RIMS2: variants seen among roughly 807,000 people sequenced by gnomAD.
The protein encoded by RIMS2 is regulating synaptic membrane exocytosis 2, also known as regulating synaptic membrane exocytosis protein 2.
Under a neutral mutation model 174.4 loss-of-function variants are expected in RIMS2, and 59 were observed. The ratio of observed to expected loss-of-function variants is 0.34; its 90% CI spans 0.27 to 0.42. The LOEUF (loss-of-function observed/expected upper bound fraction) is 0.42. RIMS2 is among the 10% of genes least tolerant of loss of function. The probability of loss-of-function intolerance (pLI) is 1.00; values close to 1 mark genes in which losing one functional copy is unlikely to be tolerated. For missense variants in RIMS2, 1,620 were observed against 1,666.3 expected, an observed-to-expected ratio of 0.97 and a Z score of 0.48; for synonymous variants, 606 against 572.5, an observed-to-expected ratio of 1.06 and a Z score of -0.84.
chr8:103,526,216 G>A (rs1016741162), intron 1 of RIMS2, among the ~76,000 whole-genome samples: 4 of 152,166 alleles, frequency 2.6e-5, no homozygotes, highest in South Asian at 4.1e-4. Context: ...GTAAGGATGA[G>A]CTGCGAATTG....
chr8:103,535,106 T>G (rs557898253), intron 1 of RIMS2, among the ~76,000 whole-genome samples: 2 of 152,348 alleles, frequency 1.3e-5, no homozygotes, highest in Admixed American at 6.5e-5. Context: ...GACTTTAGAA[T>G]GTACTTATAT....
chr8:104,188,570 A>T, intron 19 of RIMS2, among the ~76,000 whole-genome samples: 1 of 151,838 alleles, frequency 6.6e-6, no homozygotes, highest in South Asian at 2.1e-4. Context: ...CCAATATAAG[A>T]GGTATTCAAT....
At chr8:103,610,578 A>G (rs1031644264) in intron 1 of RIMS2, among the ~76,000 whole-genome samples, 2 of 152,134 alleles carry the variant, frequency 1.3e-5, no homozygotes, top group African/African-American at 4.8e-5. Flanking sequence ...TCCTGCCTCT[A>G]TTGCGATAAT....
At chr8:103,708,107 C>G (rs1564363509) in intron 2 of RIMS2, among the ~76,000 whole-genome samples, 1 of 152,192 alleles carries the variant, frequency 6.6e-6, no homozygotes, top group Non-Finnish European at 1.5e-5. Flanking sequence ...CTGGGTTGCA[C>G]TTGGAGTAAA....
At chr8:103,549,602 T>G (rs1375220843) in intron 1 of RIMS2, among the ~76,000 whole-genome samples, 1 of 152,096 alleles carries the variant, frequency 6.6e-6, no homozygotes, top group Admixed American at 6.6e-5. Context: ...AATGACAGGA[T>G]CAAATTCACA....
At position 104,089,879 on chromosome 8, in the gene RIMS2, T is replaced by G. The variant is rs2097607305; in HGVS notation, c.3334+75264T>G. The stretch of plus-strand genomic sequence containing the variant: ...ATATTTTTCTCAAAAATTCTTAAAA[T>G]GGAGTGTATTCTTATCTCCCTAGTA... On this transcript the variant is annotated intron_variant, in intron 19 of 23. Transcript: ENST00000504942. 2.0e-5 allele frequency among the ~76,000 whole-genome samples: 3 copies of G among 151,734 alleles called. No individual in the cohort carries two copies. The South Asian group carries it at 6.2e-4, about 31-fold the overall frequency.
chr8:104,200,818 G>A (rs1235607182), intron 19 of RIMS2, among the ~76,000 whole-genome samples: 4 of 152,146 alleles, frequency 2.6e-5, no homozygotes, highest in South Asian at 2.1e-4. Context: ...AGTGGCTGAG[G>A]CGGGAAGATC....
chr8:103,762,406 C>T (rs2098121969), intron 2 of RIMS2, among the ~76,000 whole-genome samples: 1 of 151,998 alleles, frequency 6.6e-6, no homozygotes, highest in African/African-American at 2.4e-5. Context: ...GATGGCATTC[C>T]TTATGTGGTT....
At chr8:103,750,015 T>G (rs1271768903) in intron 2 of RIMS2, among the ~76,000 whole-genome samples, 1 of 152,096 alleles carries the variant, frequency 6.6e-6, no homozygotes, top group Non-Finnish European at 1.5e-5. Flanking sequence ...AATTTTTTTT[T>G]AAGACAGCTG....
intron 19 of RIMS2, among the ~76,000 whole-genome samples, chr8:104,137,299 C>T (rs1439835051): frequency 2.0e-5 from 3 of 152,122 alleles, no homozygotes; most frequent in African/African-American, 7.2e-5. Flanking sequence ...TAATTAGAGT[C>T]AACGTATCTT....
chr8:103,711,912 A>ATC (rs1461359286), intron 2 of RIMS2, among the ~76,000 whole-genome samples: 3 of 151,614 alleles, frequency 2.0e-5, no homozygotes, highest in Non-Finnish European at 2.9e-5. Flanking sequence ...ATATATATAT[A>ATC]TATCACACTT....
intron 2 of RIMS2, among the ~76,000 whole-genome samples, chr8:103,745,973 T>C (rs144362422): frequency 5.3e-5 from 8 of 152,308 alleles, no homozygotes; most frequent in African/African-American, 1.7e-4. Flanking sequence ...TTTATCTATT[T>C]TTTGTTTGGT....
At chr8:103,767,720 A>G (rs572410282) in intron 3 of RIMS2, among the ~76,000 whole-genome samples, 10 of 152,312 alleles carry the variant, frequency 6.6e-5, no homozygotes, top group Non-Finnish European at 1.3e-4. Context: ...CACCACTCCA[A>G]TACATTGCTG....
intron 1 of RIMS2, among the ~76,000 whole-genome samples, chr8:103,659,258 G>A (rs1164863103): frequency 1.3e-5 from 2 of 152,116 alleles, no homozygotes; most frequent in South Asian, 2.1e-4. Flanking sequence ...GCACTACCAC[G>A]GGCTGCGGGC....
At chr8:103,569,615 GA>G (rs1563817515) in intron 1 of RIMS2, among the ~76,000 whole-genome samples, 2 of 150,572 alleles carry the variant, frequency 1.3e-5, no homozygotes, top group South Asian at 2.1e-4. Context: ...TTTTCTTTTT[GA>G]TTTTTTTTTT....
chr8:104,099,990 T>A (rs888417288), intron 19 of RIMS2, among the ~76,000 whole-genome samples: 11 of 151,858 alleles, frequency 7.2e-5, no homozygotes, highest in African/African-American at 9.7e-5. Flanking sequence ...GCTAATTTTT[T>A]AAAAATTTTT....
At chr8:104,113,601 G>A (rs967556746) in intron 19 of RIMS2, among the ~76,000 whole-genome samples, 5 of 151,758 alleles carry the variant, frequency 3.3e-5, no homozygotes, top group South Asian at 2.1e-4. Context: ...ATTGCATCAG[G>A]GACTATCATT....
intron 3 of RIMS2, among the ~76,000 whole-genome samples, chr8:103,794,712 A>G (rs564766437): frequency 6.6e-6 from 1 of 152,228 alleles, no homozygotes; most frequent in Non-Finnish European, 1.5e-5. Flanking sequence ...TCCAGAATCT[A>G]CAAAGTACTT....
intron 14 of RIMS2, among the ~76,000 whole-genome samples, chr8:103,950,913 A>C (rs2085194301): frequency 6.6e-6 from 1 of 152,216 alleles, no homozygotes; most frequent in African/African-American, 2.4e-5. Flanking sequence ...TGAATCTATC[A>C]AGGTTACTGG....
Sources: gnomAD v4.1 joint callset for allele counts (sites outside exome capture counted in the v4.1 genomes callset) on GRCh38, gnomAD v4.1.1 for gene constraint, MANE v1.5 for transcripts, NCBI Gene and HGNC (gene_info 2026-07-23, HGNC 2026-07-21) for gene names.